ARMH4: variants seen among roughly 807,000 people sequenced by gnomAD.
ARMH4 encodes the protein armadillo like helical domain containing 4.
In ARMH4, 49 loss-of-function variants were observed where a neutral mutation model predicts 61.9. That is an observed-to-expected ratio of 0.79 (90% CI 0.63 to 1.00). The LOEUF is 1.00. ARMH4 is among the 50% of genes least tolerant of loss of function. The pLI is 0.00. For missense variants in ARMH4, 934 were observed against 930.0 expected (o/e 1.00, Z -0.06); for synonymous variants, 368 against 341.5 (o/e 1.08, Z -0.85).
In ARMH4 at chr14:58,111,552, CA is replaced by C. The variant is rs149150546; in HGVS notation, c.1832-14572del. Among the ~76,000 whole-genome samples the C allele has an allele frequency of 9.2e-4, 140 of 152,314 alleles. 1 individual carries two copies. Among genetic ancestry groups the C allele is most frequent in the Non-Finnish European group, 1.7e-3 (113 of 68,024 alleles). On this transcript the variant is annotated intron_variant, in intron 4 of 7. Coordinates refer to ENST00000267485, the MANE Select transcript of ARMH4 (RefSeq NM_001001872.4). ...GTTTTGGAGGTTAGAAGTCCAAGAT[CA>C]AGGCACCAGCCAGGTGGGTTTCTGG...
At chr14:58,086,672 T>C (rs544878395) in intron 5 of ARMH4, among the ~76,000 whole-genome samples, 8 of 151,918 alleles carry the variant, frequency 5.3e-5, no homozygotes, top group African/African-American at 1.9e-4. Context: ...GGAAGAAAAA[T>C]CCCTTTTAAA....
At chr14:58,043,760 T>A (rs1370945903) in intron 5 of ARMH4, among the ~76,000 whole-genome samples, 1 of 152,162 alleles carries the variant, frequency 6.6e-6, no homozygotes, top group East Asian at 1.9e-4. Context: ...AGCAAAGTGT[T>A]AGGATACAAA....
intron 5 of ARMH4, 129 bp from the exon 6 acceptor site, chr14:58,012,279 A>G (rs72714763): frequency 0.051 from 24,939 of 492,888 alleles, 829 homozygotes; most frequent in African/African-American, 0.11. Flanking sequence ...ATATAACATA[A>G]TGACGATAAT....
intron 5 of ARMH4, among the ~76,000 whole-genome samples, chr14:58,072,733 G>A (rs1884923902): frequency 1.3e-5 from 2 of 150,988 alleles, no homozygotes; most frequent in African/African-American, 4.9e-5. Flanking sequence ...AAAAAAAAAA[G>A]AATCCTTTTG....
chr14:58,053,049 C>T (rs1034757888), intron 5 of ARMH4, among the ~76,000 whole-genome samples: 6 of 152,182 alleles, frequency 3.9e-5, no homozygotes, highest in Admixed American at 3.9e-4. Context: ...GATCCTACCT[C>T]CTAAATTACT....
In ARMH4 at chr14:58,058,898, T is replaced by A. The variant is rs1594729256; in HGVS notation, c.2089+37826A>T. Among the ~76,000 whole-genome samples the A allele has an allele frequency of 2.0e-5, 3 of 152,302 alleles. No homozygotes were observed. The South Asian group carries it at 6.2e-4, about 32-fold the overall frequency. On this transcript the variant is annotated intron_variant, in intron 5 of 7. Coordinates refer to ENST00000267485, the MANE Select transcript of ARMH4 (RefSeq NM_001001872.4). ...AATGAAAAGGTAGGGAAGTCAGCATTTTTCCACCATTGTTTTTCATTGCAG... is the reference window on the plus strand; with the variant it reads ...AATGAAAAGGTAGGGAAGTCAGCATATTTCCACCATTGTTTTTCATTGCAG...
intron 4 of ARMH4, among the ~76,000 whole-genome samples, chr14:58,108,505 G>C (rs532114367): frequency 2.0e-5 from 3 of 152,138 alleles, no homozygotes; most frequent in African/African-American, 7.2e-5. Flanking sequence ...GCTATATTTG[G>C]GGACTTTCTT....
chr14:58,136,640 A>G (rs1245576678), intron 2 of ARMH4, among the ~76,000 whole-genome samples: 1 of 152,218 alleles, frequency 6.6e-6, no homozygotes, highest in African/African-American at 2.4e-5. Flanking sequence ...TTTTCTATTA[A>G]TTGGGCTACT....
intron 5 of ARMH4, among the ~76,000 whole-genome samples, chr14:58,064,981 T>A (rs1884656085): frequency 6.6e-6 from 1 of 152,170 alleles, no homozygotes; most frequent in African/African-American, 2.4e-5. Context: ...TGGTGGTTTA[T>A]GCCTGTAATC....
At chr14:58,135,693 T>C (rs1471328058) in intron 2 of ARMH4, among the ~76,000 whole-genome samples, 1 of 152,110 alleles carries the variant, frequency 6.6e-6, no homozygotes, top group Non-Finnish European at 1.5e-5. Context: ...AGCAGCTAAC[T>C]GACTCAAAGG....
intron 4 of ARMH4, among the ~76,000 whole-genome samples, chr14:58,117,927 T>TA (rs34021220): frequency 0.017 from 2,467 of 146,420 alleles, 72 homozygotes; most frequent in African/African-American, 0.057. Context: ...CCCAGCTAAT[T>TA]AAAAAAAAAA....
At chr14:58,117,934 A>T (rs1252645838) in intron 4 of ARMH4, among the ~76,000 whole-genome samples, 1 of 151,798 alleles carries the variant, frequency 6.6e-6, no homozygotes, top group Non-Finnish European at 1.5e-5. Flanking sequence ...AATTAAAAAA[A>T]AAAAAAATTT....
At chr14:58,123,546 G>A (rs1886799204) in intron 4 of ARMH4, among the ~76,000 whole-genome samples, 1 of 152,100 alleles carries the variant, frequency 6.6e-6, no homozygotes, top group African/African-American at 2.4e-5. Flanking sequence ...TATCAATGAG[G>A]CCGTTGTCCC....
intron 5 of ARMH4, among the ~76,000 whole-genome samples, chr14:58,013,078 A>T (rs539619661): frequency 3.3e-4 from 50 of 152,186 alleles, no homozygotes; most frequent in African/African-American, 1.2e-3. Context: ...AAATAAGTGT[A>T]AAAAAAACTT....
intron 5 of ARMH4, among the ~76,000 whole-genome samples, chr14:58,076,127 G>C (rs550321272): frequency 1.2e-4 from 18 of 151,382 alleles, no homozygotes; most frequent in African/African-American, 4.3e-4. Flanking sequence ...GGAGGAGGAG[G>C]AGGAGGCAGC....
At chr14:58,050,864 T>G (rs1283210283) in intron 5 of ARMH4, among the ~76,000 whole-genome samples, 1 of 152,114 alleles carries the variant, frequency 6.6e-6, no homozygotes, top group African/African-American at 2.4e-5. Context: ...CAACCACCTG[T>G]TCTTGTTTGC....
intron 5 of ARMH4, among the ~76,000 whole-genome samples, chr14:58,071,676 C>T (rs983611718): frequency 3.3e-5 from 5 of 152,026 alleles, no homozygotes; most frequent in African/African-American, 1.2e-4. Flanking sequence ...ATATCATATG[C>T]TAATAAAATA....
At chr14:58,093,907 G>A (rs10132600) in intron 5 of ARMH4, among the ~76,000 whole-genome samples, 75,895 of 151,962 alleles carry the variant, frequency 0.5, 19,220 homozygotes, top group Middle Eastern at 0.53. Flanking sequence ...AGCAACAGCA[G>A]AAAGTAAGAG....
In ARMH4 at chr14:58,059,278, G is replaced by T. The variant is rs551455171; in HGVS notation, c.2089+37446C>A. On this transcript the variant is annotated intron_variant, in intron 5 of 7. Transcript: ENST00000267485. ...ACATTTAAATGGCCCTTCGGGTGTT[G>T]TATGTTTCCCAGGGTCTGTATAGAT... Among the ~76,000 whole-genome samples the T allele has an allele frequency of 2.6e-5, 4 of 152,354 alleles. No individual in the cohort carries two copies. The East Asian group carries it at 7.7e-4, about 29-fold the overall frequency.
Sources: allele counts gnomAD v4.1 joint callset (sites outside exome capture counted in the v4.1 genomes callset), GRCh38; gene constraint gnomAD v4.1.1; transcripts MANE v1.5; gene names NCBI Gene and HGNC (gene_info 2026-07-23, HGNC 2026-07-21).